TAB2: variants seen among roughly 807,000 people sequenced by gnomAD.
TAB2 encodes the protein TGF-beta activated kinase 1 (MAP3K7) binding protein 2.
Under a neutral mutation model 65.0 loss-of-function variants are expected in TAB2, and 3 were observed. That is an observed-to-expected ratio of 0.05 (90% CI 0.02 to 0.12). The LOEUF (loss-of-function observed/expected upper bound fraction) is 0.12, where lower values mean the gene tolerates loss of function less well. Among genes scored for constraint, TAB2 ranks in the 10% least tolerant of loss-of-function variants. The pLI, the probability that TAB2 is intolerant of heterozygous loss-of-function variation, is 1.00. For synonymous variants in TAB2, 298 were observed against 285.1 expected, an observed-to-expected ratio of 1.05 and a Z score of -0.46; for missense variants, 623 against 840.3, an observed-to-expected ratio of 0.74 and a Z score of 3.20.
intron 2 of TAB2, among the ~76,000 whole-genome samples, chr6:149,374,227 A>G (rs1781327594): frequency 6.6e-6 from 1 of 152,122 alleles, no homozygotes; most frequent in Non-Finnish European, 1.5e-5. Flanking sequence ...AATCCATTTT[A>G]TGTTTTTTGG....
chr6:149,282,581 A>T (rs1173338815), intron 1 of TAB2, among the ~76,000 whole-genome samples: 3 of 152,258 alleles, frequency 2.0e-5, no homozygotes, highest in African/African-American at 7.2e-5. Flanking sequence ...AAAGAATTCG[A>T]ATCATACAAG....
chr6:149,274,773 G>T (rs1332503601), intron 1 of TAB2, among the ~76,000 whole-genome samples: 1 of 152,170 alleles, frequency 6.6e-6, no homozygotes, highest in African/African-American at 2.4e-5. Context: ...CCAGAGTGGG[G>T]GCTGCACTTA....
chr6:149,406,077 G>C (rs1161021114), intron 6 of TAB2, among the ~76,000 whole-genome samples: 3 of 152,156 alleles, frequency 2.0e-5, no homozygotes, highest in Non-Finnish European at 4.4e-5. Flanking sequence ...AGCAAAACAA[G>C]TTTTCATTCA....
At chr6:149,381,490 T>C (rs1407623746) in intron 3 of TAB2, among the ~76,000 whole-genome samples, 1 of 152,066 alleles carries the variant, frequency 6.6e-6, no homozygotes, top group Non-Finnish European at 1.5e-5. Context: ...TTTAGTGATA[T>C]TAAAAAGATA....
chr6:149,309,790 C>A (rs929905570), intron 1 of TAB2, among the ~76,000 whole-genome samples: 1 of 152,030 alleles, frequency 6.6e-6, no homozygotes, highest in Non-Finnish European at 1.5e-5. Flanking sequence ...TTTTCAAACT[C>A]AGAAATAGGA....
At chr6:149,231,347 G>A (rs1222952874) in intron 1 of TAB2, among the ~76,000 whole-genome samples, 1 of 152,152 alleles carries the variant, frequency 6.6e-6, no homozygotes, top group Non-Finnish European at 1.5e-5. Context: ...AGAAAATGGT[G>A]GAAAAAGTAG....
intron 1 of TAB2, among the ~76,000 whole-genome samples, chr6:149,331,976 G>T: frequency 6.6e-6 from 1 of 152,170 alleles, no homozygotes; most frequent in East Asian, 1.9e-4. Context: ...GGTGAGAACA[G>T]ATCAGATTTT....
At chr6:149,295,784 C>CT (rs1014389592) in intron 1 of TAB2, among the ~76,000 whole-genome samples, 10 of 151,852 alleles carry the variant, frequency 6.6e-5, no homozygotes, top group Admixed American at 5.9e-4. Flanking sequence ...TTTTCTTCTT[C>CT]TTTTTTGAGA....
At chr6:149,315,028 A>T (rs1053459255), upstream of TAB2, among the ~76,000 whole-genome samples, 3 of 152,176 alleles carry the variant, frequency 2.0e-5, no homozygotes, top group African/African-American at 7.2e-5. Flanking sequence ...ACTCCTAACT[A>T]TTTTTGTCCC....
intron 1 of TAB2, among the ~76,000 whole-genome samples, chr6:149,345,723 C>T (rs912707982): frequency 6.6e-5 from 10 of 152,096 alleles, no homozygotes; most frequent in African/African-American, 2.4e-4. Flanking sequence ...CTATTTTCAG[C>T]ATCATAGGAA....
chr6:149,382,852 A>G, intron 3 of TAB2, among the ~76,000 whole-genome samples: 1 of 151,932 alleles, frequency 6.6e-6, no homozygotes, highest in East Asian at 1.9e-4. Flanking sequence ...AATAGATAAC[A>G]ACAAGTAGAA....
intron 1 of TAB2, among the ~76,000 whole-genome samples, chr6:149,333,455 C>T (rs1191553050): frequency 1.3e-5 from 2 of 152,128 alleles, no homozygotes; most frequent in African/African-American, 4.8e-5. Flanking sequence ...TAGCATGTCT[C>T]CTAGGAAATT....
At chr6:149,267,653 C>T (rs1209570521) in intron 1 of TAB2, among the ~76,000 whole-genome samples, 2 of 152,010 alleles carry the variant, frequency 1.3e-5, no homozygotes, top group African/African-American at 2.4e-5. Flanking sequence ...AGAAATGCGT[C>T]GTTAGGTGAT....
At chr6:149,225,875 G>A (rs986107878) in intron 1 of TAB2, among the ~76,000 whole-genome samples, 1 of 151,872 alleles carries the variant, frequency 6.6e-6, no homozygotes, top group Non-Finnish European at 1.5e-5. Flanking sequence ...AATTTGAGAA[G>A]CGGAATACTA....
chr6:149,315,076 G>A (rs1206960103), upstream of TAB2, among the ~76,000 whole-genome samples: 1 of 152,112 alleles, frequency 6.6e-6, no homozygotes, highest in Non-Finnish European at 1.5e-5. Flanking sequence ...AGAAAAGGCT[G>A]AATGACCAAA....
chr6:149,379,972 G>A (rs1323439543), intron 3 of TAB2: 2 of 450,038 alleles, frequency 4.4e-6, no homozygotes, highest in South Asian at 3.1e-5. Context: ...GGGCATGGTG[G>A]CTCACGCCTG....
At chr6:149,331,354 A>G (rs576665725) in intron 1 of TAB2, among the ~76,000 whole-genome samples, 4 of 152,108 alleles carry the variant, frequency 2.6e-5, no homozygotes, top group South Asian at 4.1e-4. Flanking sequence ...CTGATTTCCA[A>G]TTGTTCATGT....
intron 6 of TAB2, among the ~76,000 whole-genome samples, chr6:149,404,649 T>G (rs928852818): frequency 3.9e-5 from 6 of 152,220 alleles, no homozygotes; most frequent in African/African-American, 1.4e-4. Context: ...TCAACTTATC[T>G]TTGACAAGCG....
At chr6:149,291,990 TA>T (rs1562402598) in intron 1 of TAB2, among the ~76,000 whole-genome samples, 1 of 152,368 alleles carries the variant, frequency 6.6e-6, no homozygotes, top group East Asian at 1.9e-4. Flanking sequence ...CTTGAAAGTT[TA>T]TAGTCTAGCT....
Sources: gnomAD v4.1 joint callset for allele counts (sites outside exome capture counted in the v4.1 genomes callset) on GRCh38, gnomAD v4.1.1 for gene constraint, MANE v1.5 for transcripts, NCBI Gene and HGNC (gene_info 2026-07-23, HGNC 2026-07-21) for gene names.